The following AP2B1 variants were observed in gnomAD, a reference collection of about 807,000 sequenced individuals.
The protein encoded by AP2B1 is adaptor related protein complex 2 subunit beta 1.
Under a neutral mutation model 102.0 loss-of-function variants are expected in AP2B1, and 23 were observed. The ratio of observed to expected loss-of-function variants is 0.23; its 90% CI spans 0.16 to 0.32. The LOEUF (loss-of-function observed/expected upper bound fraction) is 0.32, where lower values mean the gene tolerates loss of function less well. AP2B1 is among the 10% of genes least tolerant of loss of function. The pLI is 1.00. For synonymous variants in AP2B1, 381 were observed against 421.2 expected, an observed-to-expected ratio of 0.90 and a Z score of 1.17; for missense variants, 541 against 1,157.4, an observed-to-expected ratio of 0.47 and a Z score of 7.73.
chr17:35,633,831 C>T (rs529173483), intron 9 of AP2B1, among the ~76,000 whole-genome samples: 70 of 152,152 alleles, frequency 4.6e-4, no homozygotes, highest in African/African-American at 1.3e-3. Flanking sequence ...TGTCTTTTTA[C>T]AGTTTGTGCA....
chr17:35,630,683 A>G (rs905661428), intron 9 of AP2B1, among the ~76,000 whole-genome samples: 1 of 152,226 alleles, frequency 6.6e-6, no homozygotes, highest in Non-Finnish European at 1.5e-5. Context: ...TTAGTCATCT[A>G]TTGTGACTAA....
At chr17:35,680,665 C>T (rs1448381142) in intron 17 of AP2B1, among the ~76,000 whole-genome samples, 1 of 150,672 alleles carries the variant, frequency 6.6e-6, no homozygotes, top group African/African-American at 2.4e-5. Context: ...CATGAGCCAC[C>T]ATGCCCAGTC....
At chr17:35,603,708 G>T (rs1225381500) in intron 3 of AP2B1, among the ~76,000 whole-genome samples, 2 of 152,300 alleles carry the variant, frequency 1.3e-5, no homozygotes, top group East Asian at 3.9e-4. Flanking sequence ...AAGGATTCAG[G>T]AGCTCAGTTC....
rs1177856366 is a variant in AP2B1, at chr17:35,598,219, A to G, written c.38-11A>G. 1 of 1,594,394 alleles carries G rather than the reference A, an allele frequency of 6.3e-7. No individual in the cohort carries two copies. Among genetic ancestry groups the G allele is most frequent in the East Asian group, 2.2e-5 (1 of 44,750 alleles). ...ACTGGAACCTTACCAGTTTGCTCTC[A>G]TCTCTTGCAGGAGAAATATTTGAAC... is the stretch of plus-strand genomic sequence containing the variant. On this transcript the variant is annotated splice_polypyrimidine_tract_variant and intron_variant, in intron 2 of 21. Coordinates refer to ENST00000610402, the MANE Select transcript of AP2B1 (RefSeq NM_001030006.2).
chr17:35,701,369 A>G (rs1432064601), intron 18 of AP2B1, among the ~76,000 whole-genome samples: 8 of 152,226 alleles, frequency 5.3e-5, no homozygotes, highest in African/African-American at 1.9e-4. Context: ...ACATTTTCCT[A>G]GAGCATCAGT....
chr17:35,650,433 A>T (rs1417130679), intron 12 of AP2B1, 97 bp from the exon 13 acceptor site: 2 of 1,434,110 alleles, frequency 1.4e-6, no homozygotes, highest in Admixed American at 3.9e-5. Flanking sequence ...AGTCTGCATA[A>T]ATCACTACAA....
chr17:35,723,564 A>G, intron 21 of AP2B1, 61 bp from the exon 22 acceptor site: 1 of 1,119,348 alleles, frequency 8.9e-7, no homozygotes, highest in Non-Finnish European at 1.4e-6. Flanking sequence ...GAGTGCTTGG[A>G]TACCTTTAGA....
chr17:35,633,608 G>A (rs573222138), intron 9 of AP2B1, among the ~76,000 whole-genome samples: 6 of 152,048 alleles, frequency 3.9e-5, no homozygotes, highest in African/African-American at 7.2e-5. Context: ...AACTGTTTCC[G>A]TTTTATCTTC....
intron 14 of AP2B1, among the ~76,000 whole-genome samples, chr17:35,669,436 C>T (rs904147293): frequency 6.6e-6 from 1 of 152,184 alleles, no homozygotes; most frequent in Non-Finnish European, 1.5e-5. Context: ...GCCACCACGC[C>T]CAGCCAAGGA....
In AP2B1 at chr17:35,699,613, G is replaced by C. The variant is rs373154651; in HGVS notation, c.2455-9611G>C. Among the ~76,000 whole-genome samples, 8 of 152,270 alleles carry C rather than the reference G, an allele frequency of 5.3e-5. No individual in the cohort carries two copies. In the East Asian group the frequency reaches 9.7e-4, roughly 18 times the overall value. On this transcript the variant is annotated intron_variant, in intron 18 of 21. Coordinates refer to ENST00000610402, the MANE Select transcript of AP2B1 (RefSeq NM_001030006.2). ...TTTAAAATGGAATTAGCACTGGAAGGAAAGTCAATTGACATTTCCTGTGGT... is the reference window on the plus strand; with the variant it reads ...TTTAAAATGGAATTAGCACTGGAAGCAAAGTCAATTGACATTTCCTGTGGT...
chr17:35,674,534 G>A (rs2075659098), intron 17 of AP2B1, among the ~76,000 whole-genome samples: 1 of 152,080 alleles, frequency 6.6e-6, no homozygotes, highest in South Asian at 2.1e-4. Context: ...GTGAAACCCC[G>A]TCTCTACTGA....
intron 20 of AP2B1, among the ~76,000 whole-genome samples, chr17:35,712,036 C>T (rs1435470330): frequency 6.6e-6 from 1 of 152,204 alleles, no homozygotes; most frequent in Non-Finnish European, 1.5e-5. Context: ...AATTGTTTCA[C>T]GTCTCTGGAG....
intron 5 of AP2B1, among the ~76,000 whole-genome samples, chr17:35,614,655 T>TTTAAA (rs754043078): frequency 2.1e-5 from 2 of 93,168 alleles, no homozygotes; most frequent in African/African-American, 4.3e-5. Flanking sequence ...GTTGAATTAG[T>TTTAAA]AAAAAAAAAA....
intron 13 of AP2B1, among the ~76,000 whole-genome samples, chr17:35,654,789 G>A (rs1489791007): frequency 1.3e-5 from 2 of 152,010 alleles, no homozygotes; most frequent in East Asian, 1.9e-4. Flanking sequence ...AGCCCTCTGA[G>A]CCTGGAATTT....
chr17:35,717,398 G>C lies in AP2B1; in HGVS notation c.2781+49G>C, dbSNP rs782330168. On this transcript the variant is annotated intron_variant, in intron 21 of 21. Coordinates refer to ENST00000610402, the MANE Select transcript of AP2B1 (RefSeq NM_001030006.2). ...GAGATGGATTAGAGGAGGGAGGTGA[G>C]AGCCCTTTCATGTTTACTTAGCACC... 22 of 1,606,018 alleles carry C rather than the reference G, an allele frequency of 1.4e-5. No individual in the cohort carries two copies. In the Admixed American group the frequency reaches 3.5e-4, roughly 26 times the overall value.
At chr17:35,620,766 G>C (rs1681147725) in intron 5 of AP2B1, among the ~76,000 whole-genome samples, 1 of 152,120 alleles carries the variant, frequency 6.6e-6, no homozygotes, top group African/African-American at 2.4e-5. Flanking sequence ...ACAGTGAGCT[G>C]TGATCAGTGC....
At chr17:35,644,110 T>C (rs1400608484) in intron 12 of AP2B1, among the ~76,000 whole-genome samples, 6 of 152,200 alleles carry the variant, frequency 3.9e-5, no homozygotes, top group African/African-American at 1.4e-4. Flanking sequence ...AAACGATTTC[T>C]ATTTTATAGA....
intron 18 of AP2B1, among the ~76,000 whole-genome samples, chr17:35,684,430 T>C (rs1261599316): frequency 6.6e-6 from 1 of 152,234 alleles, no homozygotes; most frequent in African/African-American, 2.4e-5. Context: ...GAGACGTCAA[T>C]AGTAAAATAT....
At chr17:35,699,815 C>T (rs1598319673) in intron 18 of AP2B1, among the ~76,000 whole-genome samples, 1 of 152,212 alleles carries the variant, frequency 6.6e-6, no homozygotes, top group East Asian at 1.9e-4. Context: ...TGTGTAATCC[C>T]AGCACTTTGG....
Sources: allele counts gnomAD v4.1 joint callset (sites outside exome capture counted in the v4.1 genomes callset), GRCh38; gene constraint gnomAD v4.1.1; transcripts MANE v1.5; gene names NCBI Gene and HGNC (gene_info 2026-07-23, HGNC 2026-07-21).